The following NRF1 variants were observed in gnomAD, a reference collection of about 807,000 sequenced individuals.
NRF1 encodes the protein nuclear respiratory factor 1, also known as alpha palindromic-binding protein.
A neutral mutation model predicts 58.5 loss-of-function variants in NRF1; 5 were observed. That is an observed-to-expected ratio of 0.09 (90% CI 0.04 to 0.18). NRF1 has a LOEUF of 0.18. Ranked by LOEUF, NRF1 falls within the 10% of genes least tolerant of loss-of-function variation. NRF1 has a pLI of 1.00. For synonymous variants in NRF1, 224 were observed against 246.7 expected, an observed-to-expected ratio of 0.91 and a Z score of 0.86; for missense variants, 288 against 657.7, an observed-to-expected ratio of 0.44 and a Z score of 6.15.
chr7:129,681,416 T>C (rs1483245548), intron 4 of NRF1, among the ~76,000 whole-genome samples: 2 of 152,178 alleles, frequency 1.3e-5, no homozygotes, highest in Non-Finnish European at 2.9e-5. Flanking sequence ...CTGTTACAAA[T>C]GTTGAATGTA....
At chr7:129,706,657 A>G (rs980169970) in intron 5 of NRF1, among the ~76,000 whole-genome samples, 2 of 152,116 alleles carry the variant, frequency 1.3e-5, no homozygotes, top group African/African-American at 2.4e-5. Context: ...TGCTGAGCCC[A>G]CCTTTCAAGT....
chr7:129,666,049 T>C (rs972823157), intron 2 of NRF1, among the ~76,000 whole-genome samples: 2 of 152,236 alleles, frequency 1.3e-5, no homozygotes, highest in Non-Finnish European at 2.9e-5. Context: ...AGTGATAGTT[T>C]TGGTAAATTG....
chr7:129,618,504 G>A (rs924259057), intron 1 of NRF1, among the ~76,000 whole-genome samples: 5 of 152,146 alleles, frequency 3.3e-5, no homozygotes, highest in African/African-American at 1.2e-4. Context: ...AAACCAGTCT[G>A]GGCAACGTTG....
chr7:129,648,104 C>T (rs965661874), intron 1 of NRF1, among the ~76,000 whole-genome samples: 1 of 151,046 alleles, frequency 6.6e-6, no homozygotes, highest in South Asian at 2.1e-4. Context: ...AATCAATAGT[C>T]TTTTGCCACT....
chr7:129,709,077 C>A lies in NRF1; in HGVS notation c.609C>A (p.Ala203=). ...IPVSVDKMTQ[A]QLRAFIPEML... ...ATGACCACACTGTTCTCTTCCAGGCCCAGCTTCGGGCATTTATCCCAGAGA... is the reference window on the plus strand; with the variant it reads ...ATGACCACACTGTTCTCTTCCAGGCACAGCTTCGGGCATTTATCCCAGAGA... Residue 203 remains alanine, a splice_region_variant and synonymous_variant, in exon 6 of 11, where the codon GCC becomes GCA. Coordinates refer to ENST00000393232, the MANE Select transcript of NRF1 (RefSeq NM_005011.5). The A allele has an allele frequency of 6.5e-7, 1 of 1,544,088 alleles. No homozygotes were observed. The highest frequency in any genetic ancestry group is 8.7e-7 in the Non-Finnish European group (1 of 1,143,050).
chr7:129,643,470 T>G (rs1406289023), intron 1 of NRF1, among the ~76,000 whole-genome samples: 2 of 152,172 alleles, frequency 1.3e-5, no homozygotes, highest in Admixed American at 6.5e-5. Context: ...GGCAACTACT[T>G]ATTTGATTTT....
At chr7:129,639,593 TGCAGTGCAGTG>T (rs1801244033) in intron 1 of NRF1, among the ~76,000 whole-genome samples, 1 of 149,720 alleles carries the variant, frequency 6.7e-6, no homozygotes, top group Non-Finnish European at 1.5e-5. Context: ...TCGCCCAGGC[TGCAGTGCAGTG>T]GCATGATCTC....
At chr7:129,729,263 C>T (rs1803523634) in intron 10 of NRF1, among the ~76,000 whole-genome samples, 1 of 152,156 alleles carries the variant, frequency 6.6e-6, no homozygotes, top group Non-Finnish European at 1.5e-5. Flanking sequence ...TGGCTCTCGG[C>T]CAAGTAGAAC....
chr7:129,723,443 C>CAA (rs1279913396), intron 9 of NRF1, among the ~76,000 whole-genome samples: 3 of 123,100 alleles, frequency 2.4e-5, no homozygotes, highest in South Asian at 2.6e-4. Flanking sequence ...AACTCTATCT[C>CAA]AAAAAAAAAA....
chr7:129,682,629 GTAA>G (rs1468378533), intron 4 of NRF1, among the ~76,000 whole-genome samples: 12 of 108,520 alleles, frequency 1.1e-4, no homozygotes, highest in African/African-American at 4.5e-4. Flanking sequence ...GCAAAAAAAT[GTAA>G]AAAAAAAAAA....
At chr7:129,617,679 TAGAGCAAACAA>T (rs1182052764) in intron 1 of NRF1, among the ~76,000 whole-genome samples, 3 of 151,980 alleles carry the variant, frequency 2.0e-5, no homozygotes, top group South Asian at 4.2e-4. Flanking sequence ...AGAACCAAAA[TAGAGCAAACAA>T]AGAGTGGTGT....
intron 2 of NRF1, among the ~76,000 whole-genome samples, chr7:129,659,724 C>G (rs566256872): frequency 2.0e-5 from 3 of 152,214 alleles, no homozygotes; most frequent in Non-Finnish European, 4.4e-5. Flanking sequence ...GCCTGCCCCC[C>G]TCTCCCGGAA....
chr7:129,645,935 C>T (rs563375908), intron 1 of NRF1, among the ~76,000 whole-genome samples: 10 of 152,212 alleles, frequency 6.6e-5, no homozygotes, highest in African/African-American at 7.2e-5. Flanking sequence ...CTGCAGCCTC[C>T]GCCTCCCGGG....
rs1803855894 is a variant in NRF1, at chr7:129,741,981, C to G, written c.1349-13037C>G. 6.6e-6 allele frequency among the ~76,000 whole-genome samples: 1 copy of G among 152,188 alleles called. No individual in the cohort carries two copies. Among genetic ancestry groups the G allele is most frequent in the South Asian group, 2.1e-4 (1 of 4,822 alleles). On this transcript the variant is annotated intron_variant, in intron 10 of 10. Coordinates refer to ENST00000393232, the MANE Select transcript of NRF1 (RefSeq NM_005011.5). The surrounding 1 kb of genome is among the most constrained non-coding windows in gnomAD (Gnocchi z 4.0). ...CATCCTTCTGCCAAGAGCAGGATAT[C>G]AAATGAAGGGGAGGTTGTGGTTGGA...
intron 9 of NRF1, among the ~76,000 whole-genome samples, chr7:129,722,855 T>C (rs1803360573): frequency 6.6e-6 from 1 of 152,192 alleles, no homozygotes; most frequent in Non-Finnish European, 1.5e-5. Context: ...TCATCTTTGA[T>C]GGTCATAAAG....
intron 1 of NRF1, among the ~76,000 whole-genome samples, chr7:129,617,635 G>T (rs184660892): frequency 6.6e-6 from 1 of 152,190 alleles, no homozygotes; most frequent in African/African-American, 2.4e-5. Flanking sequence ...GAGCAGAAAG[G>T]TATGGGCTCA....
At chr7:129,748,336 C>A (rs1434902795) in intron 10 of NRF1, among the ~76,000 whole-genome samples, 2 of 144,460 alleles carry the variant, frequency 1.4e-5, no homozygotes, top group East Asian at 4.2e-4. Context: ...GATTTATAGA[C>A]AGAAAAGCAG....
intron 10 of NRF1, among the ~76,000 whole-genome samples, chr7:129,735,708 TTTTCTG>T (rs1803691511): frequency 6.6e-6 from 1 of 151,418 alleles, no homozygotes; most frequent in African/African-American, 2.4e-5. Context: ...CAACGTCATA[TTTTCTG>T]AAACTATAAG....
intron 5 of NRF1, among the ~76,000 whole-genome samples, chr7:129,693,004 T>C (rs562431561): frequency 4.6e-5 from 7 of 152,340 alleles, no homozygotes; most frequent in African/African-American, 1.4e-4. Context: ...CTACCTGGAA[T>C]TGTCTCATTT....
Sources: allele counts gnomAD v4.1 joint callset (sites outside exome capture counted in the v4.1 genomes callset), GRCh38; gene constraint gnomAD v4.1.1; non-coding constraint Gnocchi (gnomAD v3.1); transcripts MANE v1.5; gene names NCBI Gene and HGNC (gene_info 2026-07-23, HGNC 2026-07-21).